CEP95: variants seen among roughly 807,000 people sequenced by gnomAD.
CEP95 encodes centrosomal protein of 95 kDa.
CEP95 carries 98 observed loss-of-function variants against 111.2 expected under a neutral mutation model. The observed-to-expected ratio is 0.88, with a 90% confidence interval of 0.75 to 1.04. The LOEUF (loss-of-function observed/expected upper bound fraction) is 1.04, where lower values mean the gene tolerates loss of function less well. Ranked by LOEUF, CEP95 falls within the 50% of genes least tolerant of loss-of-function variation. The probability of loss-of-function intolerance (pLI) is 0.00; values close to 1 mark genes in which losing one functional copy is unlikely to be tolerated. For missense variants in CEP95, 1,027 were observed against 977.2 expected (o/e 1.05, Z -0.68); for synonymous variants, 323 against 327.1 (o/e 0.99, Z 0.14).
At chr17:64,511,895 G>T (rs9890575) in intron 3 of CEP95, among the ~76,000 whole-genome samples, 4 of 152,220 alleles carry the variant, frequency 2.6e-5, no homozygotes. Flanking sequence ...GGCTTCAGCC[G>T]GTCCCTCTGT....
intron 7 of CEP95, 97 bp downstream of exon 7, chr17:64,521,624 G>T: frequency 9.0e-7 from 1 of 1,107,462 alleles, no homozygotes; most frequent in African/African-American, 1.6e-5. Flanking sequence ...CTGTATATGA[G>T]ATCCTTTTTG....
At chr17:64,507,610 C>T in intron 1 of CEP95, 1 of 992,546 alleles carries the variant, frequency 1.0e-6, no homozygotes, top group Non-Finnish European at 1.2e-6. Context: ...TGGGCTTTGT[C>T]TAGCACCGCT....
intron 10 of CEP95, 126 bp from the exon 11 acceptor site, chr17:64,526,985 G>A: frequency 1.5e-6 from 1 of 662,694 alleles, no homozygotes; most frequent in South Asian, 1.9e-5. Context: ...AATTAAACAT[G>A]CATAAGCGTC....
chr17:64,523,587 C>A (rs1414619516), intron 8 of CEP95, among the ~76,000 whole-genome samples: 1 of 151,314 alleles, frequency 6.6e-6, no homozygotes, highest in African/African-American at 2.4e-5. Context: ...AAGAAAAAAC[C>A]TTTTTTATAT....
At position 64,537,377 on chromosome 17, in the gene CEP95, A is replaced by C. The variant is rs546898756; in HGVS notation, c.2290-226A>C. 3 of 1,399,280 alleles carry C rather than the reference A, an allele frequency of 2.1e-6. No individual in the cohort carries two copies. In the African/African-American group the frequency reaches 4.4e-5, roughly 20 times the overall value. 86.7% of individuals were successfully genotyped at this position (1,399,280 alleles called of 1,614,324 possible). The stretch of plus-strand genomic sequence containing the variant: ...TAGGAAGTAGAAAACCAAATGTATT[A>C]TACCTGTAAAGGGAATGGAGAGAAG... On this transcript the variant is annotated intron_variant, in intron 19 of 19. Coordinates refer to ENST00000556440, the MANE Select transcript of CEP95 (RefSeq NM_138363.3).
chr17:64,537,423 A>G (rs1968733794), intron 19 of CEP95, 180 bp from the exon 20 acceptor site: 3 of 1,383,346 alleles, frequency 2.2e-6, no homozygotes, highest in East Asian at 2.6e-5. Flanking sequence ...CAATCCATCT[A>G]TGACCCAAGA....
chr17:64,527,353 T>C, intron 11 of CEP95, 89 bp downstream of exon 11: 1 of 996,060 alleles, frequency 1.0e-6, no homozygotes, highest in Non-Finnish European at 1.4e-6. Context: ...TATTCTAATT[T>C]TAAATAGTTG....
chr17:64,507,077 G>A lies in CEP95; in HGVS notation c.-21G>A. 6.4e-7 allele frequency: 1 copy of A among 1,550,792 alleles called. No individual in the cohort carries two copies. The highest frequency in any genetic ancestry group is 8.7e-7 in the Non-Finnish European group (1 of 1,146,942). ...GCCTTCCCGGCCGCGTCGGAGTCCG[G>A]CGGCGACCTGCCTCTGAAACATGGC... On this transcript the variant is annotated 5_prime_UTR_variant, in exon 1 of 20. Transcript: ENST00000556440.
intron 7 of CEP95, among the ~76,000 whole-genome samples, chr17:64,522,226 C>G (rs1302263279): frequency 7.9e-5 from 12 of 152,152 alleles, no homozygotes; most frequent in Non-Finnish European, 1.3e-4. Context: ...ATATTACTGC[C>G]TAACTGGTTT....
Position 64,534,320 on chromosome 17 carries a change from C to T in CEP95, c.1918-265C>T, listed in dbSNP as rs141992513. 759 of 349,948 alleles carry T rather than the reference C, an allele frequency of 2.2e-3. 1 individual carries two copies. The highest frequency in any genetic ancestry group is 2.0e-3 in the South Asian group (43 of 21,924). The allele number at this position is 349,948 out of a possible 1,614,324, so 21.7% of individuals were successfully genotyped here. ...CTGGGCCAGCCTTGTTAGCAGCTTC[C>T]TGGTGGCATGGGGAGTGAGCCCTCA... On this transcript the variant is annotated intron_variant, in intron 16 of 19. Transcript: ENST00000556440.
At chr17:64,537,375 T>C in intron 19 of CEP95, 2 of 1,400,408 alleles carry the variant, frequency 1.4e-6, no homozygotes, top group Non-Finnish European at 9.2e-7. Context: ...ACCAAATGTA[T>C]TATACCTGTA....
At chr17:64,516,574 G>A (rs1394498457) in intron 4 of CEP95, 149 bp from the exon 5 acceptor site, 4 of 465,568 alleles carry the variant, frequency 8.6e-6, no homozygotes, top group African/African-American at 6.0e-5. Flanking sequence ...CAGGTGATTT[G>A]GTTCTTTCTG....
intron 14 of CEP95, 111 bp downstream of exon 14, chr17:64,532,133 GTT>G (rs113205929): frequency 2.1e-5 from 24 of 1,151,042 alleles, no homozygotes; most frequent in South Asian, 5.1e-5. Context: ...GCCGAAGAAA[GTT>G]TTTTTTTTTT....
At chr17:64,525,960 T>C (rs1555679000) in intron 9 of CEP95, 78 bp downstream of exon 9, 1 of 1,486,200 alleles carries the variant, frequency 6.7e-7, no homozygotes, top group South Asian at 1.3e-5. Flanking sequence ...ATCTCCAAAT[T>C]TAGCTGTGAA....
Position 64,537,102 on chromosome 17 carries a change from C to A in CEP95, c.2279C>A (p.Ser760Tyr), listed in dbSNP as rs373296848. ...CAAGAACTTAAAGCCAGAGAGAAAT[C>A]TCAGGCCCAGGTAATAATTAAGATA... ...EHQELKAREKSQAQTLHKVKR... is the reference protein window; with the variant it reads ...EHQELKAREKYQAQTLHKVKR... The change falls in exon 19 of 20, where the codon TCT (serine) becomes TAT (tyrosine). Residue 760 changes from serine to tyrosine, a missense_variant. Physicochemically the swap from Ser to Tyr is moderately radical, Grantham distance 144 (BLOSUM62 -2). Transcript: ENST00000556440. 1.3e-5 allele frequency: 21 copies of A among 1,612,362 alleles called. No homozygotes were observed. The highest frequency in any genetic ancestry group is 1.0e-5 in the Non-Finnish European group (12 of 1,179,236).
intron 16 of CEP95, 96 bp downstream of exon 16, chr17:64,533,287 C>T: frequency 1.0e-6 from 1 of 952,428 alleles, no homozygotes; most frequent in Non-Finnish European, 1.6e-6. Flanking sequence ...AGACCCTTAA[C>T]CTCTTAACAC....
At position 64,517,401 on chromosome 17, in the gene CEP95, A is replaced by G. The variant is rs182435849; in HGVS notation, c.473+573A>G. Among the ~76,000 whole-genome samples, 271 of 152,328 alleles carry G rather than the reference A, an allele frequency of 1.8e-3. 1 individual carries two copies. The highest frequency in any genetic ancestry group is 6.3e-3 in the African/African-American group (263 of 41,572). On this transcript the variant is annotated intron_variant, in intron 5 of 19. Coordinates refer to ENST00000556440, the MANE Select transcript of CEP95 (RefSeq NM_138363.3). ...TCATCATCTTTGCAAAAAACTTGCA[A>G]AATAGAAAAAGCAGGAAAAAAAATC...
upstream of CEP95, chr17:64,506,877 C>T: frequency 3.1e-6 from 2 of 642,904 alleles, no homozygotes; most frequent in South Asian, 1.8e-5. Flanking sequence ...TCTAAACTTC[C>T]CAAACCGCCC....
At chr17:64,519,128 T>G (rs1249456800) in intron 5 of CEP95, among the ~76,000 whole-genome samples, 193 bp from the exon 6 acceptor site, 1 of 152,244 alleles carries the variant, frequency 6.6e-6, no homozygotes. Flanking sequence ...CCTATACATT[T>G]AATCGTTGAC....
Sources: gnomAD v4.1 joint callset for allele counts (sites outside exome capture counted in the v4.1 genomes callset) on GRCh38, gnomAD v4.1.1 for gene constraint, MANE v1.5 for transcripts, NCBI Gene and HGNC (gene_info 2026-07-23, HGNC 2026-07-21) for gene names.